ZNF676: variants seen among roughly 807,000 people sequenced by gnomAD.
ZNF676 encodes the protein zinc finger protein 676.
Under a neutral mutation model 6.0 loss-of-function variants are expected in ZNF676, and 4 were observed. The ratio of observed to expected loss-of-function variants is 0.67; its 90% CI spans 0.33 to 1.53. ZNF676 has a LOEUF of 1.53. Ranked by LOEUF, ZNF676 falls within the 40% of genes most tolerant of loss-of-function variation. The pLI is 0.06. For synonymous variants in ZNF676, 198 were observed against 223.1 expected, an observed-to-expected ratio of 0.89 and a Z score of 1.00; for missense variants, 644 against 679.7, an observed-to-expected ratio of 0.95 and a Z score of 0.58.
At chr19:22,250,730 A>T in the ZNF676 span, among the ~76,000 whole-genome samples, 2 of 147,654 alleles carry the variant, frequency 1.4e-5, no homozygotes. Context: ...TTTTTTTTTT[A>T]AGACAGAGTT....
Position 22,179,502 on chromosome 19 carries a change from C to T in ZNF676, c.*448G>A. On this transcript the variant is annotated 3_prime_UTR_variant, in exon 3 of 3. Coordinates refer to ENST00000397121, the MANE Select transcript of ZNF676 (RefSeq NM_001001411.3). ...ATGTTTAGTAAGGATTGAGGAACAG[C>T]TAAAAGGCTTGCCACATTCTTCACA... The T allele has an allele frequency of 2.4e-6, 1 of 414,684 alleles. No individual in the cohort carries two copies. Among genetic ancestry groups the T allele is most frequent in the Non-Finnish European group, 4.7e-6 (1 of 211,742 alleles). 25.7% of individuals were successfully genotyped at this position (414,684 alleles called of 1,614,324 possible).
the ZNF676 span, among the ~76,000 whole-genome samples, chr19:22,252,571 C>G: frequency 1.3e-5 from 2 of 152,192 alleles, no homozygotes; most frequent in South Asian, 4.1e-4. Flanking sequence ...GTCCCAATAC[C>G]CCTTGAAAGA....
At chr19:22,244,618 C>G in the ZNF676 span, 1 of 152,170 alleles carries the variant, frequency 6.6e-6, no homozygotes, top group African/African-American at 2.4e-5. Flanking sequence ...GGTGGCCGAG[C>G]CCAGTGATAT....
chr19:22,180,410 A>G lies in ZNF676; in HGVS notation c.1307T>C (p.Leu436Pro). Residue 436 changes from leucine to proline, a missense_variant, in exon 3 of 3, where the codon CTT becomes CCT. Around this residue, in one of 5 missense-constraint regions of ZNF676, gnomAD observed 306 missense variants for 265.4 expected, o/e 1.15. Transcript: ENST00000397121. ...CGKAFSWSSS[L>P]TEHKRIHAGE... ...AGCATGAATTCTCTTGTGTTCAGTA[A>G]GGCTTGAGGACCAGCTGAAGGCTTT... The G allele has an allele frequency of 6.2e-7, 1 of 1,613,594 alleles. No individual in the cohort carries two copies. Among genetic ancestry groups the G allele is most frequent in the Admixed American group, 1.7e-5 (1 of 59,968 alleles).
In ZNF676 at chr19:22,184,498, C is replaced by T. The variant is rs187764965; in HGVS notation, c.131-2912G>A. Among the ~76,000 whole-genome samples, 7 of 152,122 alleles carry T rather than the reference C, an allele frequency of 4.6e-5. No homozygotes were observed. In the East Asian group the frequency reaches 1.4e-3, roughly 30 times the overall value. ...TTTTTCCCCATACCCCAGTATAGTG[C>T]CCAGAAGGCCAGTGAGACAGAACCA... On this transcript the variant is annotated intron_variant, in intron 2 of 2. Coordinates refer to ENST00000397121, the MANE Select transcript of ZNF676 (RefSeq NM_001001411.3).
chr19:22,191,090 T>A (rs187210032), intron 2 of ZNF676, among the ~76,000 whole-genome samples: 165 of 152,222 alleles, frequency 1.1e-3, no homozygotes, highest in African/African-American at 3.7e-3. Flanking sequence ...ATAGAAAGGT[T>A]GGAGAATTGC....
At chr19:22,224,259 T>G in the ZNF676 span, among the ~76,000 whole-genome samples, 1 of 150,970 alleles carries the variant, frequency 6.6e-6, no homozygotes, top group Non-Finnish European at 1.5e-5. Flanking sequence ...TTAGCGTCAG[T>G]TTCTTAATAT....
the ZNF676 span, chr19:22,243,243 C>T: frequency 6.6e-6 from 1 of 152,022 alleles, no homozygotes; most frequent in South Asian, 2.1e-4. Context: ...TCACTGTGGT[C>T]CTGGGCATAG....
At chr19:22,230,686 T>A in the ZNF676 span, among the ~76,000 whole-genome samples, 1 of 151,560 alleles carries the variant, frequency 6.6e-6, no homozygotes, top group Non-Finnish European at 1.5e-5. Context: ...TGAGCCGAGT[T>A]TTACTCTTGT....
intron 1 of ZNF676, among the ~76,000 whole-genome samples, chr19:22,214,393 T>C (rs2024162286): frequency 6.6e-6 from 1 of 151,912 alleles, no homozygotes; most frequent in Admixed American, 6.6e-5. Flanking sequence ...GGCGGGTGGA[T>C]CACTTGAAAT....
At chr19:22,182,972 T>C (rs990924517) in intron 2 of ZNF676, among the ~76,000 whole-genome samples, 11 of 151,964 alleles carry the variant, frequency 7.2e-5, no homozygotes, top group Non-Finnish European at 1.0e-4. Flanking sequence ...ACAACATAAA[T>C]AGATAAACTT....
upstream of ZNF676, among the ~76,000 whole-genome samples, chr19:22,199,279 T>TTAGA (rs1318080675): frequency 2.0e-5 from 3 of 152,156 alleles, no homozygotes; most frequent in Non-Finnish European, 4.4e-5. Context: ...TTAGCATTAA[T>TTAGA]TAGAGAAATG....
At position 22,180,430 on chromosome 19, in the gene ZNF676, G is replaced by C. The variant is rs1377210113; in HGVS notation, c.1287C>G (p.Ala429=). 4.3e-6 allele frequency: 7 copies of C among 1,611,342 alleles called. No homozygotes were observed. The highest frequency in any genetic ancestry group is 2.2e-5 in the East Asian group (1 of 44,710). ...CAGTAAGGCTTGAGGACCAGCTGAAGGCTTTGCCACATTCTTCACACTTGT... is the reference window on the plus strand; with the variant it reads ...CAGTAAGGCTTGAGGACCAGCTGAACGCTTTGCCACATTCTTCACACTTGT... The part of the protein sequence containing the change: ...KPYKCEECGK[A]FSWSSSLTEH... Residue 429 remains alanine, a synonymous_variant, in exon 3 of 3, where the codon GCC becomes GCG. Transcript: ENST00000397121.
upstream of ZNF676, among the ~76,000 whole-genome samples, chr19:22,200,256 T>G (rs1482495334): frequency 3.3e-5 from 5 of 152,112 alleles, no homozygotes; most frequent in Non-Finnish European, 4.4e-5. Flanking sequence ...AGGTTTTCTA[T>G]AATAATTTTT....
chr19:22,241,604 C>T, the ZNF676 span, among the ~76,000 whole-genome samples: 1 of 151,746 alleles, frequency 6.6e-6, no homozygotes, highest in South Asian at 2.1e-4. Flanking sequence ...GTGTGCTGGG[C>T]CCTGTGAGGA....
chr19:22,220,477 T>C (rs556761194), upstream of ZNF676, among the ~76,000 whole-genome samples: 83 of 151,518 alleles, frequency 5.5e-4, no homozygotes, highest in East Asian at 0.012. Flanking sequence ...TTTTTTTTTT[T>C]TCTTGAGTCT....
At chr19:22,191,988 T>C (rs1353006731) in intron 2 of ZNF676, among the ~76,000 whole-genome samples, 1 of 152,188 alleles carries the variant, frequency 6.6e-6, no homozygotes, top group Non-Finnish European at 1.5e-5. Flanking sequence ...GAAGAAAAAT[T>C]AGTCAAAAAA....
chr19:22,245,996 G>A, the ZNF676 span, among the ~76,000 whole-genome samples: 11 of 152,134 alleles, frequency 7.2e-5, no homozygotes, highest in South Asian at 4.1e-4. Context: ...GGAGGCTCTC[G>A]TGCCCTAGGT....
chr19:22,214,999 C>G (rs1351143326), intron 1 of ZNF676, among the ~76,000 whole-genome samples: 1 of 139,496 alleles, frequency 7.2e-6, no homozygotes, highest in Admixed American at 7.8e-5. Flanking sequence ...CAAGATTCCG[C>G]TACTGCACTC....
Sources: gnomAD v4.1 joint callset for allele counts (sites outside exome capture counted in the v4.1 genomes callset) on GRCh38, gnomAD v4.1.1 for gene constraint, gnomAD v4.1.1 regional missense constraint, MANE v1.5 for transcripts, NCBI Gene and HGNC (gene_info 2026-07-23, HGNC 2026-07-21) for gene names.